The following PI4KA variants were observed in gnomAD, a reference collection of about 807,000 sequenced individuals.
PI4KA encodes the protein phosphatidylinositol 4-kinase alpha, also known as PI4-kinase alpha.
In PI4KA, 122 loss-of-function variants were observed where a neutral mutation model predicts 271.4. The ratio of observed to expected loss-of-function variants is 0.45; its 90% CI spans 0.39 to 0.52. The LOEUF is 0.52. Among genes scored for constraint, PI4KA ranks in the 20% least tolerant of loss-of-function variants. PI4KA has a pLI of 0.00. For synonymous variants in PI4KA, 1,041 were observed against 1,078.8 expected (o/e 0.96, Z 0.69); for missense variants, 1,969 against 2,769.1 (o/e 0.71, Z 6.48).
rs1190558593 is a variant in PI4KA at position 20,734,395 on chromosome 22, G to A, written c.3900C>T (p.Asp1300=). ...CCTTCGTGGGGGAACAGGCACGTAC[G>A]TCGATCCAGATGTAGTGGGGGGTCA... ...PEVTPHYIWI[D]FLVQRFEIAK... is the part of the protein sequence containing the mutation. The change falls in exon 33 of 55, where the codon GAC becomes GAT. Residue 1300 remains aspartate, a splice_region_variant and synonymous_variant. Transcript: ENST00000255882. The A allele has an allele frequency of 1.3e-5, 21 of 1,580,724 alleles. No homozygotes were observed. The highest frequency in any genetic ancestry group is 5.6e-5 in the South Asian group (5 of 89,660).
Position 20,817,734 on chromosome 22 carries a change from C to CAAAA in PI4KA, c.856+745_856+748dup, listed in dbSNP as rs361731. Among the ~76,000 whole-genome samples the CAAAA allele has an allele frequency of 4.3e-4, 6 of 13,972 alleles. 1 individual carries two copies. The highest frequency in any genetic ancestry group is 9.4e-4 in the African/African-American group (4 of 4,258). The allele number at this position is 13,972 out of a possible 152,430, so 9.2% of individuals were successfully genotyped here. On this transcript the variant is annotated intron_variant, in intron 7 of 54. Coordinates refer to ENST00000255882, the MANE Select transcript of PI4KA (RefSeq NM_058004.4). ...GGGTGGCAGAGTGAGACTCTCTCTC[C>CAAAA]AAAAAAAAAAAAAAAAAAAAAAAAA...
rs567068327 is a variant in PI4KA, at chr22:20,833,573, G to A, written c.367+989C>T. On this transcript the variant is annotated intron_variant, in intron 3 of 54. Coordinates refer to ENST00000255882, the MANE Select transcript of PI4KA (RefSeq NM_058004.4). ...TTCATGCCTGTGGCGGTGGTGTTGCGGGGCCCAGAATGTTAATGAGAACAG... is the reference window on the plus strand; with the variant it reads ...TTCATGCCTGTGGCGGTGGTGTTGCAGGGCCCAGAATGTTAATGAGAACAG... Among the ~76,000 whole-genome samples, 386 of 152,188 alleles carry A rather than the reference G, an allele frequency of 2.5e-3. 2 individuals are homozygous for A. The highest frequency in any genetic ancestry group is 4.6e-3 in the Non-Finnish European group (313 of 67,994).
chr22:20,716,180 A>G (rs888833630), intron 45 of PI4KA, among the ~76,000 whole-genome samples: 10 of 152,114 alleles, frequency 6.6e-5, no homozygotes, highest in Admixed American at 2.6e-4. Context: ...CCTCCCGAGT[A>G]GCTGGGACTA....
rs543884983 is a variant in PI4KA, at chr22:20,719,322, G to A, written c.5117-500C>T. Reference sequence around the variant, plus strand: ...AGTGCCTCTCACTATTCAAATCCCAGGCTGAATTTAAATTCCTGGGCTCAA... The same window carrying A: ...AGTGCCTCTCACTATTCAAATCCCAAGCTGAATTTAAATTCCTGGGCTCAA... On this transcript the variant is annotated intron_variant, in intron 43 of 54. Coordinates refer to ENST00000255882, the MANE Select transcript of PI4KA (RefSeq NM_058004.4). Among the ~76,000 whole-genome samples the A allele has an allele frequency of 5.3e-5, 8 of 151,864 alleles. No homozygotes were observed. The South Asian group carries it at 1.7e-3, about 32-fold the overall frequency.
intron 19 of PI4KA, chr22:20,787,175 A>C (rs1314958697): frequency 9.7e-7 from 1 of 1,031,262 alleles, no homozygotes; most frequent in Admixed American, 1.9e-5. Context: ...TTACGCTACC[A>C]ATCTGAATTC....
chr22:20,725,603 T>A, intron 42 of PI4KA: 2 of 442,992 alleles, frequency 4.5e-6, no homozygotes, highest in South Asian at 3.2e-5. Flanking sequence ...TGGCTATCAA[T>A]AAGCCAGGGA....
At chr22:20,737,694 C>A (rs534148608) in intron 32 of PI4KA, among the ~76,000 whole-genome samples, 172 of 149,506 alleles carry the variant, frequency 1.2e-3, no homozygotes, top group African/African-American at 4.1e-3. Flanking sequence ...TGCAATGGTG[C>A]GATCTTGGCT....
intron 23 of PI4KA, among the ~76,000 whole-genome samples, chr22:20,757,308 T>C (rs1316116521): frequency 6.6e-6 from 1 of 152,170 alleles, no homozygotes; most frequent in East Asian, 1.9e-4. Context: ...AGAACAAAAA[T>C]AATCAGTTTG....
chr22:20,803,393 G>C (rs1935453828), intron 12 of PI4KA, 73 bp from the exon 13 acceptor site: 3 of 1,584,756 alleles, frequency 1.9e-6, no homozygotes, highest in Admixed American at 1.7e-5. Context: ...GCAGGGAGGT[G>C]CTCAACCCTT....
intron 1 of PI4KA, among the ~76,000 whole-genome samples, chr22:20,847,766 CA>C (rs1217378219): frequency 8.2e-6 from 1 of 122,328 alleles, no homozygotes; most frequent in African/African-American, 3.2e-5. Context: ...AAAAAAAAAA[CA>C]AAAAAAACCA....
chr22:20,800,868 T>C lies in PI4KA; in HGVS notation c.1725-1102A>G, dbSNP rs376292227. On this transcript the variant is annotated intron_variant, in intron 14 of 54. Transcript: ENST00000255882. ...CAGCCTGGGCGACAAAGCAAGACTCTGTCTCAAAAAAAAAAAAGGAAGAAT... is the reference window on the plus strand; with the variant it reads ...CAGCCTGGGCGACAAAGCAAGACTCCGTCTCAAAAAAAAAAAAGGAAGAAT... Among the ~76,000 whole-genome samples, 178 of 128,900 alleles carry C rather than the reference T, an allele frequency of 1.4e-3. 1 individual carries two copies. The highest frequency in any genetic ancestry group is 4.0e-3 in the Middle Eastern group (1 of 248). The allele number at this position is 128,900 out of a possible 152,430, so 84.6% of individuals were successfully genotyped here. A position where few individuals can be genotyped will look rare whatever the true frequency, so the allele number is the denominator to read the frequency against.
At chr22:20,800,203 C>G (rs905182433) in intron 14 of PI4KA, among the ~76,000 whole-genome samples, 1 of 152,168 alleles carries the variant, frequency 6.6e-6, no homozygotes, top group African/African-American at 2.4e-5. Flanking sequence ...AACATAAAAT[C>G]TTGTAAGATG....
rs1212125696 is a variant in PI4KA at position 20,854,810 on chromosome 22, CA to C, written c.156+3759del. Among the ~76,000 whole-genome samples, 11 of 152,264 alleles carry C rather than the reference CA, an allele frequency of 7.2e-5. No individual in the cohort carries two copies. The East Asian group carries it at 1.9e-3, about 27-fold the overall frequency. On this transcript the variant is annotated intron_variant, in intron 1 of 54. Transcript: ENST00000255882. ...ATACTCATCTCCCCCTATAAGTCTC[CA>C]TCTTTATTATCTCAGGTGCGTACTC...
chr22:20,818,218 G>A (rs1158902801), intron 7 of PI4KA, among the ~76,000 whole-genome samples: 1 of 151,574 alleles, frequency 6.6e-6, no homozygotes, highest in Admixed American at 6.6e-5. Context: ...GGTATATAGG[G>A]GTCTGTAAGT....
chr22:20,737,735 G>A (rs577274045), intron 32 of PI4KA, among the ~76,000 whole-genome samples: 68 of 151,844 alleles, frequency 4.5e-4, no homozygotes, highest in African/African-American at 1.6e-3. Flanking sequence ...GGGTTCAAGC[G>A]ATTCTCCTGC....
At chr22:20,803,412 A>T (rs1018273199) in intron 12 of PI4KA, 92 bp from the exon 13 acceptor site, 7 of 1,509,466 alleles carry the variant, frequency 4.6e-6, no homozygotes, top group Non-Finnish European at 6.4e-6. Flanking sequence ...TTCAGTACCC[A>T]AGTCTGACCC....
At chr22:20,780,468 A>G (rs1281965585) in intron 19 of PI4KA, among the ~76,000 whole-genome samples, 2 of 152,102 alleles carry the variant, frequency 1.3e-5, no homozygotes, top group African/African-American at 4.8e-5. Context: ...AGCCACCAAC[A>G]CATGAAGTAA....
chr22:20,800,707 A>AAAG (rs1240466150), intron 14 of PI4KA, among the ~76,000 whole-genome samples: 1 of 149,612 alleles, frequency 6.7e-6, no homozygotes, highest in Non-Finnish European at 1.5e-5. Flanking sequence ...CTAAAAAAAA[A>AAAG]AAAAAAATAC....
rs542559054 is a variant in PI4KA at position 20,833,546 on chromosome 22, C to T, written c.367+1016G>A. On this transcript the variant is annotated intron_variant, in intron 3 of 54. Transcript: ENST00000255882. Reference sequence around the variant, plus strand: ...TTAGAGCTGGTGACCTCTGTGCATGCGTTCATGCCTGTGGCGGTGGTGTTG... The same window carrying T: ...TTAGAGCTGGTGACCTCTGTGCATGTGTTCATGCCTGTGGCGGTGGTGTTG... 3.9e-5 allele frequency among the ~76,000 whole-genome samples: 6 copies of T among 151,908 alleles called. No individual in the cohort carries two copies. In the East Asian group the frequency reaches 7.7e-4, roughly 20 times the overall value.
Sources: gnomAD v4.1 joint callset for allele counts (sites outside exome capture counted in the v4.1 genomes callset) on GRCh38, gnomAD v4.1.1 for gene constraint, MANE v1.5 for transcripts, NCBI Gene and HGNC (gene_info 2026-07-23, HGNC 2026-07-21) for gene names.